Variants in RBP2 observed in about 807,000 individuals in gnomAD.
The protein encoded by RBP2 is retinol binding protein 2, also known as retinol-binding protein 2.
In RBP2, 17 loss-of-function variants were observed where a neutral mutation model predicts 17.0. The ratio of observed to expected loss-of-function variants is 1.00; its 90% CI spans 0.68 to 1.50. RBP2 has a LOEUF of 1.50. Among genes scored for constraint, RBP2 ranks in the 40% most tolerant of loss-of-function variants. The probability of loss-of-function intolerance (pLI) is 0.00; values close to 1 mark genes in which losing one functional copy is unlikely to be tolerated. For synonymous variants in RBP2, 48 were observed against 57.1 expected (o/e 0.84, Z 0.72); for missense variants, 158 against 168.2 (o/e 0.94, Z 0.33).
intron 2 of RBP2, among the ~76,000 whole-genome samples, chr3:139,459,818 C>T (rs1933123282): frequency 7.0e-6 from 1 of 143,702 alleles, no homozygotes; most frequent in African/African-American, 2.7e-5. Context: ...TCACTCCCTA[C>T]TAAGGGTGTG....
chr3:139,455,678 AG>A (rs1297898543), intron 2 of RBP2, among the ~76,000 whole-genome samples: 1 of 152,304 alleles, frequency 6.6e-6, no homozygotes, highest in East Asian at 1.9e-4. Context: ...CAATAAAGGC[AG>A]GGGAGCTCCC....
chr3:139,462,047 T>G lies in RBP2; in HGVS notation c.252+65A>C. On this transcript the variant is annotated intron_variant, in intron 2 of 3. Coordinates refer to ENST00000232217, the MANE Select transcript of RBP2 (RefSeq NM_004164.3). ...GTTTCTAATATTTTTTTTTTCATCA[T>G]GATACCAAATAGCCAGCCCCTGGCA... is the stretch of plus-strand genomic sequence containing the variant. 2.6e-6 allele frequency: 4 copies of G among 1,527,682 alleles called. No homozygotes were observed. In the Admixed American group the frequency reaches 6.0e-5, roughly 23 times the overall value. 94.6% of individuals were successfully genotyped at this position (1,527,682 alleles called of 1,614,324 possible).
chr3:139,469,687 G>GTCTGTCTGTCTATCTATCTA (rs1432677359), intron 1 of RBP2, among the ~76,000 whole-genome samples: 2,009 of 132,912 alleles, frequency 0.015, 20 homozygotes, highest in Non-Finnish European at 0.022. Flanking sequence ...CTGTCTGTCT[G>GTCTGTCTGTCTATCTATCTA]TCTATCTATC....
intron 3 of RBP2, among the ~76,000 whole-genome samples, 159 bp from the exon 4 acceptor site, chr3:139,453,325 C>T (rs1943343848): frequency 6.6e-6 from 1 of 152,186 alleles, no homozygotes; most frequent in South Asian, 2.1e-4. Context: ...CGGGCATGCC[C>T]TGCAGGTAGC....
intron 2 of RBP2, among the ~76,000 whole-genome samples, chr3:139,455,089 G>A (rs1002483146): frequency 6.6e-6 from 1 of 152,150 alleles, no homozygotes; most frequent in East Asian, 1.9e-4. Context: ...GGTAAAAATA[G>A]CATTTCAAAT....
At chr3:139,457,900 C>T (rs1257675769) in intron 2 of RBP2, among the ~76,000 whole-genome samples, 2 of 152,218 alleles carry the variant, frequency 1.3e-5, no homozygotes, top group Non-Finnish European at 2.9e-5. Context: ...TTGCTTAAAA[C>T]AGCCCTTTAT....
rs532187364 is a variant in RBP2, at chr3:139,470,871, G to A, written c.73+5516C>T. Among the ~76,000 whole-genome samples the A allele has an allele frequency of 9.0e-4, 137 of 152,140 alleles. 1 individual carries two copies. Among genetic ancestry groups the A allele is most frequent in the Non-Finnish European group, 1.5e-3 (104 of 68,006 alleles). On this transcript the variant is annotated intron_variant, in intron 1 of 3. Transcript: ENST00000232217. ...CAAAGTGTTGGGATTACAGGTGTGA[G>A]CCATCACACCTGGCTTCATGTTCTT...
intron 2 of RBP2, among the ~76,000 whole-genome samples, chr3:139,460,853 G>A (rs879362555): frequency 6.6e-6 from 1 of 152,182 alleles, no homozygotes; most frequent in Non-Finnish European, 1.5e-5. Context: ...TCCAGTGGCT[G>A]AATTGGCCCA....
chr3:139,471,939 G>T (rs969758298), intron 1 of RBP2, among the ~76,000 whole-genome samples: 3 of 152,150 alleles, frequency 2.0e-5, no homozygotes, highest in African/African-American at 7.2e-5. Flanking sequence ...CCCTCTCCTT[G>T]CAAGGTGAAG....
chr3:139,469,658 CATCT>C lies in RBP2; in HGVS notation c.73+6725_73+6728del, dbSNP rs200989996. Among the ~76,000 whole-genome samples, 1,310 of 138,696 alleles carry C rather than the reference CATCT, an allele frequency of 9.4e-3. 19 individuals carry two copies. The highest frequency in any genetic ancestry group is 0.03 in the African/African-American group (1,190 of 40,038). The allele number at this position is 138,696 out of a possible 152,430, so 91.0% of individuals were successfully genotyped here. A position where few individuals can be genotyped will look rare whatever the true frequency, so the allele number is the denominator to read the frequency against. On this transcript the variant is annotated intron_variant, in intron 1 of 3. Transcript: ENST00000232217. ...ACAAATTCTTAATTGGAGCATCAGA[CATCT>C]ATCTGTCTGTCTGTCTGTCTGTCTG...
At chr3:139,456,776 A>G (rs1175750339) in intron 2 of RBP2, among the ~76,000 whole-genome samples, 3 of 152,170 alleles carry the variant, frequency 2.0e-5, no homozygotes, top group Non-Finnish European at 4.4e-5. Flanking sequence ...TCCCAAAGCT[A>G]ATTTGAAAAT....
At chr3:139,463,246 G>C (rs1427529818) in intron 1 of RBP2, among the ~76,000 whole-genome samples, 1 of 151,812 alleles carries the variant, frequency 6.6e-6, no homozygotes, top group Non-Finnish European at 1.5e-5. Flanking sequence ...GAGTGCAGTG[G>C]TGCAATCTTG....
chr3:139,456,238 T>G (rs1932954633), intron 2 of RBP2, among the ~76,000 whole-genome samples: 1 of 152,232 alleles, frequency 6.6e-6, no homozygotes, highest in African/African-American at 2.4e-5. Context: ...TAAACCCAGT[T>G]GGTGATAAAC....
Position 139,457,486 on chromosome 3 carries a change from A to T in RBP2, c.253-2656T>A, listed in dbSNP as rs961722212. Among the ~76,000 whole-genome samples, 5 of 152,186 alleles carry T rather than the reference A, an allele frequency of 3.3e-5. No individual in the cohort carries two copies. In the East Asian group the frequency reaches 9.6e-4, roughly 29 times the overall value. On this transcript the variant is annotated intron_variant, in intron 2 of 3. Coordinates refer to ENST00000232217, the MANE Select transcript of RBP2 (RefSeq NM_004164.3). The stretch of plus-strand genomic sequence containing the variant: ...TGTTAGTGCATGGGCCTGTCCTAAT[A>T]TTTTATTTTAATAACTCATACTGGA...
intron 2 of RBP2, among the ~76,000 whole-genome samples, chr3:139,455,729 C>G (rs61680644): frequency 0.083 from 12,634 of 152,122 alleles, 579 homozygotes; most frequent in Middle Eastern, 0.15. Flanking sequence ...CCAGTACCTG[C>G]CTTCTTATCC....
intron 1 of RBP2, among the ~76,000 whole-genome samples, chr3:139,473,968 G>C (rs1933646569): frequency 6.6e-6 from 1 of 152,172 alleles, no homozygotes; most frequent in African/African-American, 2.4e-5. Context: ...GGTTTACCTA[G>C]TAGTACCATG....
chr3:139,461,947 T>C (rs1317148257), intron 2 of RBP2, among the ~76,000 whole-genome samples, 165 bp downstream of exon 2: 1 of 152,220 alleles, frequency 6.6e-6, no homozygotes, highest in Non-Finnish European at 1.5e-5. Flanking sequence ...CTCTTCCTAC[T>C]AAACTGTCAA....
intron 2 of RBP2, among the ~76,000 whole-genome samples, chr3:139,458,301 G>A (rs1219742649): frequency 2.6e-5 from 4 of 151,706 alleles, no homozygotes; most frequent in East Asian, 1.9e-4. Flanking sequence ...TCTTTGGTTC[G>A]CCTGCAGGGC....
chr3:139,473,312 G>A (rs1212246446), intron 1 of RBP2, among the ~76,000 whole-genome samples: 1 of 152,184 alleles, frequency 6.6e-6, no homozygotes, highest in Non-Finnish European at 1.5e-5. Context: ...ACTGGTGGCT[G>A]AGTCATGATG....
Sources: allele counts gnomAD v4.1 joint callset (sites outside exome capture counted in the v4.1 genomes callset), GRCh38; gene constraint gnomAD v4.1.1; transcripts MANE v1.5; gene names NCBI Gene and HGNC (gene_info 2026-07-23, HGNC 2026-07-21).